Variants in NPAS3 observed in about 807,000 individuals in gnomAD.
NPAS3 encodes neuronal PAS domain protein 3, also known as neuronal PAS domain-containing protein 3.
Under a neutral mutation model 73.1 loss-of-function variants are expected in NPAS3, and 14 were observed. The ratio of observed to expected loss-of-function variants is 0.19; its 90% CI spans 0.13 to 0.30. The LOEUF (loss-of-function observed/expected upper bound fraction) is 0.30, where lower values mean the gene tolerates loss of function less well. Among genes scored for constraint, NPAS3 ranks in the 10% least tolerant of loss-of-function variants. The pLI is 1.00. For missense variants in NPAS3, 1,096 were observed against 1,250.0 expected, an observed-to-expected ratio of 0.88 and a Z score of 1.86; for synonymous variants, 620 against 541.5, an observed-to-expected ratio of 1.14 and a Z score of -2.01.
chr14:33,803,297 A>ATTTG (rs550717212), downstream of NPAS3: 5 of 152,300 alleles, frequency 3.3e-5, no homozygotes, highest in East Asian at 7.7e-4. Context: ...TGTCATATAT[A>ATTTG]TTTGTTTACT....
intron 3 of NPAS3, among the ~76,000 whole-genome samples, chr14:33,335,725 T>C (rs1288749924): frequency 6.6e-6 from 1 of 152,178 alleles, no homozygotes; most frequent in East Asian, 1.9e-4. Context: ...TTCTGGCTGT[T>C]AGTAATCTTA....
intron 4 of NPAS3, among the ~76,000 whole-genome samples, chr14:33,411,927 G>A (rs1457159273): frequency 1.3e-5 from 2 of 152,064 alleles, no homozygotes; most frequent in Non-Finnish European, 2.9e-5. Flanking sequence ...TTCATGGCAG[G>A]CCACCAGAGT....
chr14:33,211,079 A>G (rs570249618), intron 2 of NPAS3, among the ~76,000 whole-genome samples: 45 of 152,322 alleles, frequency 3.0e-4, no homozygotes, highest in Non-Finnish European at 5.7e-4. Context: ...ACTATGTGTC[A>G]GGCACCATTG....
At chr14:33,627,810 T>TGTG (rs1280451106) in intron 5 of NPAS3, among the ~76,000 whole-genome samples, 1 of 152,256 alleles carries the variant, frequency 6.6e-6, no homozygotes, top group Non-Finnish European at 1.5e-5. Flanking sequence ...TTGGATGTGC[T>TGTG]GTGTTCCACA....
intron 4 of NPAS3, among the ~76,000 whole-genome samples, chr14:33,435,756 C>G (rs545630897): frequency 2.0e-5 from 3 of 152,098 alleles, no homozygotes; most frequent in Non-Finnish European, 4.4e-5. Flanking sequence ...TATCTGCCCC[C>G]CTATGTCCTG....
intron 1 of NPAS3, among the ~76,000 whole-genome samples, chr14:33,053,784 A>T (rs1160051487): frequency 6.6e-6 from 1 of 152,196 alleles, no homozygotes. Context: ...AAAGAGTGGT[A>T]GTCCTTCTTT....
intron 5 of NPAS3, among the ~76,000 whole-genome samples, chr14:33,673,554 A>G (rs10135496): frequency 0.62 from 93,741 of 151,966 alleles, 29,081 homozygotes; most frequent in South Asian, 0.71. Flanking sequence ...AACAGCAACA[A>G]CAACAAGACA....
At chr14:33,583,587 T>C in intron 5 of NPAS3, among the ~76,000 whole-genome samples, 1 of 152,230 alleles carries the variant, frequency 6.6e-6, no homozygotes, top group South Asian at 2.1e-4. Context: ...TTAGGTACAA[T>C]GTAAATCTGT....
intron 1 of NPAS3, among the ~76,000 whole-genome samples, chr14:32,986,850 G>T (rs1282701193): frequency 6.6e-6 from 1 of 152,134 alleles, no homozygotes; most frequent in Non-Finnish European, 1.5e-5. Flanking sequence ...AATGAATGAG[G>T]CATGCATTCA....
chr14:33,281,353 G>T (rs956324462), intron 3 of NPAS3, among the ~76,000 whole-genome samples: 1 of 152,044 alleles, frequency 6.6e-6, no homozygotes, highest in African/African-American at 2.4e-5. Context: ...TTTTCAGGCT[G>T]GGCATGGTGG....
intron 4 of NPAS3, among the ~76,000 whole-genome samples, chr14:33,420,992 G>GT (rs1165844312): frequency 1.3e-5 from 2 of 151,960 alleles, no homozygotes; most frequent in Non-Finnish European, 2.9e-5. Flanking sequence ...GCCGTCCTCT[G>GT]TGTAGCCAAG....
intron 5 of NPAS3, among the ~76,000 whole-genome samples, chr14:33,584,526 G>A (rs973411495): frequency 1.3e-5 from 2 of 152,112 alleles, no homozygotes; most frequent in Non-Finnish European, 2.9e-5. Flanking sequence ...CAAGGTGTGG[G>A]CAGTTTAATT....
chr14:33,730,320 G>C (rs150717571), intron 6 of NPAS3, among the ~76,000 whole-genome samples: 8 of 152,296 alleles, frequency 5.3e-5, no homozygotes, highest in African/African-American at 1.9e-4. Flanking sequence ...CCCTAGCTGG[G>C]AGAACTTGGA....
At chr14:33,152,224 G>A (rs1442997285) in intron 2 of NPAS3, among the ~76,000 whole-genome samples, 6 of 152,090 alleles carry the variant, frequency 3.9e-5, no homozygotes, top group African/African-American at 7.2e-5. Context: ...TGGGCAACTC[G>A]AGTCTATAAG....
chr14:33,129,432 C>T (rs1231856141), intron 2 of NPAS3, among the ~76,000 whole-genome samples: 1 of 152,120 alleles, frequency 6.6e-6, no homozygotes, highest in African/African-American at 2.4e-5. Context: ...AAAGAAGCTC[C>T]ATTTTCATCA....
chr14:33,023,316 G>A (rs879143953), intron 1 of NPAS3, among the ~76,000 whole-genome samples: 3 of 152,142 alleles, frequency 2.0e-5, no homozygotes, highest in Non-Finnish European at 4.4e-5. Flanking sequence ...GAGACAAAAT[G>A]TTAACCTTAC....
chr14:33,602,318 T>C (rs1461734992), intron 5 of NPAS3, among the ~76,000 whole-genome samples: 1 of 152,220 alleles, frequency 6.6e-6, no homozygotes, highest in African/African-American at 2.4e-5. Flanking sequence ...TTAGCCAGAC[T>C]GGAAACCATT....
At chr14:33,190,744 G>A (rs1268774835) in intron 2 of NPAS3, among the ~76,000 whole-genome samples, 1 of 152,146 alleles carries the variant, frequency 6.6e-6, no homozygotes, top group Non-Finnish European at 1.5e-5. Context: ...CTGCAGTTAG[G>A]ATGTTGTTTT....
intron 5 of NPAS3, among the ~76,000 whole-genome samples, chr14:33,632,189 C>A (rs2058396391): frequency 6.6e-6 from 1 of 152,082 alleles, no homozygotes; most frequent in African/African-American, 2.4e-5. Context: ...TAGGTGTTGA[C>A]CAAGTCCATG....
Sources: allele counts gnomAD v4.1 joint callset (sites outside exome capture counted in the v4.1 genomes callset), GRCh38; gene constraint gnomAD v4.1.1; transcripts MANE v1.5; gene names NCBI Gene and HGNC (gene_info 2026-07-23, HGNC 2026-07-21).